The following PCDHA4 variants were observed in gnomAD, a reference collection of about 807,000 sequenced individuals.
PCDHA4 encodes the protein protocadherin alpha-4.
A neutral mutation model predicts 61.4 loss-of-function variants in PCDHA4; 49 were observed. The observed-to-expected ratio is 0.80, with a 90% CI of 0.63 to 1.01. PCDHA4 has a LOEUF of 1.01. Ranked by LOEUF, PCDHA4 falls within the 50% of genes least tolerant of loss-of-function variation. The pLI is 0.00. For synonymous variants in PCDHA4, 590 were observed against 550.3 expected (o/e 1.07, Z -1.01); for missense variants, 1,254 against 1,235.8 (o/e 1.01, Z -0.22).
rs1459131060 is a variant in PCDHA4 at position 140,876,463 on chromosome 5, G to A, written c.2385+66891G>A. On this transcript the variant is annotated intron_variant, in intron 1 of 3. Transcript: ENST00000530339. ...CATTGATAAAGGGATTCCTTCCATG[G>A]CAGGTCACAGCATGGTCCTGGTGGA... is the stretch of plus-strand genomic sequence containing the variant. 3.7e-6 allele frequency: 6 copies of A among 1,613,896 alleles called. No homozygotes were observed. In the African/African-American group the frequency reaches 6.7e-5, roughly 18 times the overall value.
intron 1 of PCDHA4, among the ~76,000 whole-genome samples, chr5:140,875,039 A>AT: frequency 3.9e-5 from 6 of 152,348 alleles, no homozygotes; most frequent in Admixed American, 3.9e-4. Context: ...TATTTGAAAG[A>AT]TTTCTACTTT....
intron 1 of PCDHA4, among the ~76,000 whole-genome samples, chr5:140,939,327 C>T (rs2092367339): frequency 6.6e-6 from 1 of 152,146 alleles, no homozygotes; most frequent in South Asian, 2.1e-4. Flanking sequence ...ATATCATAAT[C>T]TTAGGGGTTA....
intron 1 of PCDHA4, among the ~76,000 whole-genome samples, chr5:140,906,402 A>G (rs1378425113): frequency 1.3e-5 from 2 of 152,268 alleles, no homozygotes; most frequent in African/African-American, 4.8e-5. Flanking sequence ...AAATTTTCAT[A>G]TGAAGTCAAT....
intron 1 of PCDHA4, chr5:140,836,883 T>C (rs2150270944): frequency 6.1e-6 from 4 of 659,750 alleles, no homozygotes; most frequent in Non-Finnish European, 9.8e-6. Flanking sequence ...TTTGCACTAA[T>C]TATTTGGAAG....
rs782258261 is a variant in PCDHA4 at position 140,808,474 on chromosome 5, C to CG, written c.1292dup (p.Ser432LeufsTer16). 6 of 1,614,152 alleles carry CG rather than the reference C, an allele frequency of 3.7e-6. 1 individual carries two copies. In the Middle Eastern group the frequency reaches 1.0e-3, roughly 269 times the overall value. On this transcript the variant is annotated frameshift_variant, in exon 1 of 4. Transcript: ENST00000530339. LOFTEE classifies it high-confidence loss of function. ...ATGAGCTGGTGGTGACCGCGCGAGA[C>CG]GGGGGCTCGCCTTCGCTGTGGGCCA...
In PCDHA4 at chr5:140,904,839, ATCT is replaced by A. The variant is rs1480252178; in HGVS notation, c.2386-74103_2386-74101del. 4.1e-4 allele frequency among the ~76,000 whole-genome samples: 62 copies of A among 152,040 alleles called. No individual in the cohort carries two copies. The East Asian group carries it at 6.4e-3, about 16-fold the overall frequency. Reference sequence around the variant, plus strand: ...TTGAGCATTTTTTTATATGTTTCATATCTTCTTCTGAGAATTGTCTGTTTATGT... The same window carrying A: ...TTGAGCATTTTTTTATATGTTTCATATCTTCTGAGAATTGTCTGTTTATGT... On this transcript the variant is annotated intron_variant, in intron 1 of 3. Coordinates refer to ENST00000530339, the MANE Select transcript of PCDHA4 (RefSeq NM_018907.4).
intron 1 of PCDHA4, among the ~76,000 whole-genome samples, chr5:140,914,671 A>G (rs1012780806): frequency 2.6e-5 from 4 of 151,552 alleles, no homozygotes; most frequent in Non-Finnish European, 4.4e-5. Context: ...CTTCTTTTTC[A>G]TGAAAATAAT....
In PCDHA4 at chr5:140,851,081, A is replaced by C. The variant is rs1259623632; in HGVS notation, c.2385+41509A>C. 1.0e-5 allele frequency: 13 copies of C among 1,303,686 alleles called. No individual in the cohort carries two copies. In the East Asian group the frequency reaches 3.5e-4, roughly 35 times the overall value. 80.8% of individuals were successfully genotyped at this position (1,303,686 alleles called of 1,614,324 possible). Reference sequence around the variant, plus strand: ...ACTTCTAGTGAGAATTATAAACTGTATATTAAATAGATATTTTTTGGGTGC... The same window carrying C: ...ACTTCTAGTGAGAATTATAAACTGTCTATTAAATAGATATTTTTTGGGTGC... On this transcript the variant is annotated intron_variant, in intron 1 of 3. Transcript: ENST00000530339.
chr5:140,807,804 C>A lies in PCDHA4; in HGVS notation c.617C>A (p.Pro206Gln), dbSNP rs370687848. 1.2e-5 allele frequency: 20 copies of A among 1,614,082 alleles called. No individual in the cohort carries two copies. The African/African-American group carries it at 1.7e-4, about 14-fold the overall frequency. The change falls in exon 1 of 4, where the codon CCG becomes CAG. Residue 206 changes from proline (P) to glutamine (Q), a missense_variant. Physicochemically the swap from Pro to Gln is moderately conservative, Grantham distance 76. Transcript: ENST00000530339. ...LRKSLDREEA[P>Q]EIFLVLTATD... ...AAATCTTTAGACAGAGAAGAAGCTCCGGAGATTTTTTTAGTGCTCACAGCC... is the reference window on the plus strand; with the variant it reads ...AAATCTTTAGACAGAGAAGAAGCTCAGGAGATTTTTTTAGTGCTCACAGCC...
chr5:140,896,256 C>T (rs1335099704), intron 1 of PCDHA4, among the ~76,000 whole-genome samples: 3 of 152,192 alleles, frequency 2.0e-5, no homozygotes, highest in Non-Finnish European at 4.4e-5. Flanking sequence ...TGGTTATGTA[C>T]ACAGTTATGG....
At chr5:140,947,362 C>T (rs1378703066) in intron 1 of PCDHA4, among the ~76,000 whole-genome samples, 2 of 151,632 alleles carry the variant, frequency 1.3e-5, no homozygotes, top group Admixed American at 6.6e-5. Context: ...TATTTCACTC[C>T]TTTGATCTAT....
intron 1 of PCDHA4, among the ~76,000 whole-genome samples, chr5:140,898,137 G>C (rs1554187832): frequency 6.6e-6 from 1 of 152,098 alleles, no homozygotes; most frequent in African/African-American, 2.4e-5. Flanking sequence ...CATTTTGTAG[G>C]TTGCCTGTTC....
At chr5:140,864,237 C>G (rs2048381218) in intron 1 of PCDHA4, 2 of 152,002 alleles carry the variant, frequency 1.3e-5, no homozygotes, top group Non-Finnish European at 2.9e-5. Flanking sequence ...GTTCTTTATT[C>G]CTATTCATTT....
At chr5:140,915,445 G>C (rs2077121673) in intron 1 of PCDHA4, among the ~76,000 whole-genome samples, 1 of 152,024 alleles carries the variant, frequency 6.6e-6, no homozygotes, top group Non-Finnish European at 1.5e-5. Context: ...TTCTTGAGAA[G>C]GTTTTCCAGA....
intron 1 of PCDHA4, chr5:140,830,291 G>A (rs1770969160): frequency 6.2e-7 from 1 of 1,613,746 alleles, no homozygotes. Context: ...CGCGTGCACG[G>A]CGGACAAGCC....
At chr5:140,985,148 A>G (rs2097138818) in intron 3 of PCDHA4, among the ~76,000 whole-genome samples, 1 of 152,192 alleles carries the variant, frequency 6.6e-6, no homozygotes, top group South Asian at 2.1e-4. Context: ...CGTGTTAGCC[A>G]GGATTGTCTC....
chr5:141,009,760 A>T lies in PCDHA4; in HGVS notation c.2667A>T (p.Gly889=), dbSNP rs782167920. The change falls in exon 4 of 4, where the codon GGA becomes GGT. Residue 889 remains glycine, a synonymous_variant. Transcript: ENST00000530339. ...TGCCCGACAAATTCATTATCCCAGG[A>T]TCTCCTGCAATCATCTCCATCCGGC... ...GELPDKFIIP[G]SPAIISIRQE... is the part of the protein sequence containing the mutation. 1.9e-6 allele frequency: 3 copies of T among 1,614,130 alleles called. No individual in the cohort carries two copies. Among genetic ancestry groups the T allele is most frequent in the Admixed American group, 3.3e-5 (2 of 60,020 alleles).
intron 1 of PCDHA4, chr5:140,836,020 G>A (rs1267674995): frequency 2.5e-6 from 4 of 1,613,464 alleles, no homozygotes; most frequent in Admixed American, 3.3e-5. Flanking sequence ...CCGCCTCTGG[G>A]CAGCAACGTG....
chr5:140,848,879 C>T (rs2150423372), intron 1 of PCDHA4: 26 of 1,590,952 alleles, frequency 1.6e-5, no homozygotes, highest in Admixed American at 1.2e-4. Flanking sequence ...ACATTAACGA[C>T]AACCCTCCAG....
Sources: allele counts gnomAD v4.1 joint callset (sites outside exome capture counted in the v4.1 genomes callset), GRCh38; gene constraint gnomAD v4.1.1; transcripts MANE v1.5; gene names NCBI Gene and HGNC (gene_info 2026-07-23, HGNC 2026-07-21).